Variants in GPR158 observed in about 807,000 individuals in gnomAD.
GPR158 encodes the protein G protein-coupled receptor 158.
In GPR158, 30 loss-of-function variants were observed where a neutral mutation model predicts 78.2. That is an observed-to-expected ratio of 0.38 (90% CI 0.29 to 0.52). GPR158 has a LOEUF of 0.52. GPR158 is among the 20% of genes least tolerant of loss of function. The probability of loss-of-function intolerance (pLI) is 0.83; values close to 1 mark genes in which losing one functional copy is unlikely to be tolerated. For missense variants in GPR158, 1,463 were observed against 1,523.5 expected (o/e 0.96, Z 0.66); for synonymous variants, 581 against 591.1 (o/e 0.98, Z 0.25).
intron 2 of GPR158, among the ~76,000 whole-genome samples, chr10:25,313,408 G>T (rs1179882637): frequency 6.6e-6 from 1 of 151,322 alleles, no homozygotes; most frequent in Non-Finnish European, 1.5e-5. Flanking sequence ...TAATAAAATT[G>T]TTTAAAAAAA....
At chr10:25,490,019 G>A (rs3005189) in intron 5 of GPR158, among the ~76,000 whole-genome samples, 69,980 of 151,920 alleles carry the variant, frequency 0.46, 16,778 homozygotes, top group East Asian at 0.8. Flanking sequence ...ATGATGAAAT[G>A]CATATATACT....
intron 1 of GPR158, among the ~76,000 whole-genome samples, chr10:25,214,864 T>C (rs778172167): frequency 4.4e-4 from 67 of 152,108 alleles, no homozygotes; most frequent in Non-Finnish European, 8.2e-4. Flanking sequence ...TCCTTTATGT[T>C]AAACTTCTAG....
At chr10:25,556,205 G>A (rs1035795138) in intron 6 of GPR158, among the ~76,000 whole-genome samples, 1 of 152,020 alleles carries the variant, frequency 6.6e-6, no homozygotes, top group Non-Finnish European at 1.5e-5. Flanking sequence ...CGTTTATGAA[G>A]GCCAAAATAT....
At chr10:25,492,584 CTT>C (rs1835825047) in intron 5 of GPR158, among the ~76,000 whole-genome samples, 1 of 152,164 alleles carries the variant, frequency 6.6e-6, no homozygotes, top group South Asian at 2.1e-4. Context: ...ACTCTAAGCT[CTT>C]TATGCTCTGG....
intron 2 of GPR158, among the ~76,000 whole-genome samples, chr10:25,331,932 G>A (rs1241348301): frequency 1.3e-5 from 2 of 152,046 alleles, no homozygotes; most frequent in African/African-American, 4.8e-5. Flanking sequence ...CTCTATTGGT[G>A]TATGTTTGAA....
At chr10:25,186,349 T>A (rs1045139201) in intron 1 of GPR158, among the ~76,000 whole-genome samples, 16 of 151,804 alleles carry the variant, frequency 1.1e-4, no homozygotes, top group Non-Finnish European at 1.8e-4. Context: ...AAAAGCTAGC[T>A]AAAGGCAAGA....
intron 2 of GPR158, among the ~76,000 whole-genome samples, chr10:25,357,391 G>A (rs1374228387): frequency 1.3e-5 from 2 of 152,162 alleles, no homozygotes; most frequent in Non-Finnish European, 2.9e-5. Flanking sequence ...TCCAGGGCAT[G>A]TCAGAGGTCT....
intron 5 of GPR158, among the ~76,000 whole-genome samples, chr10:25,537,995 T>G (rs118085465): frequency 6.6e-6 from 1 of 152,166 alleles, no homozygotes; most frequent in Non-Finnish European, 1.5e-5. Context: ...TTCTTTATAG[T>G]GGTGCAAGAA....
rs1554812288 is a variant in GPR158, at chr10:25,544,299, T to TG, written c.1405-6677_1405-6676insG. Among the ~76,000 whole-genome samples the TG allele has an allele frequency of 8.9e-4, 136 of 152,124 alleles. 2 individuals carry two copies. Among genetic ancestry groups the TG allele is most frequent in the African/African-American group, 3.2e-3 (132 of 41,490 alleles). On this transcript the variant is annotated intron_variant, in intron 5 of 10. Coordinates refer to ENST00000376351, the MANE Select transcript of GPR158 (RefSeq NM_020752.3). Reference sequence around the variant, plus strand: ...ATCAGCATAGTGTTTTATTTTTTTTTTGTGATACATATTTTGGAATTATGC... The same window carrying TG: ...ATCAGCATAGTGTTTTATTTTTTTTTGTGTGATACATATTTTGGAATTATGC...
chr10:25,423,194 T>C (rs11014539), intron 4 of GPR158, among the ~76,000 whole-genome samples: 105,319 of 150,314 alleles, frequency 0.7, 37,898 homozygotes, highest in Non-Finnish European at 0.8. Flanking sequence ...CACACATATA[T>C]ACACACACAC....
intron 6 of GPR158, among the ~76,000 whole-genome samples, chr10:25,570,319 A>G (rs1836987753): frequency 1.3e-5 from 2 of 152,244 alleles, no homozygotes; most frequent in Admixed American, 1.3e-4. Flanking sequence ...GCATTTAAAA[A>G]GTATATAGAT....
At chr10:25,178,173 A>G (rs1852566346) in intron 1 of GPR158, among the ~76,000 whole-genome samples, 1 of 152,100 alleles carries the variant, frequency 6.6e-6, no homozygotes, top group Non-Finnish European at 1.5e-5. Context: ...TATTTTCTCT[A>G]TTTTACAGAA....
intron 2 of GPR158, among the ~76,000 whole-genome samples, chr10:25,302,300 G>T (rs554417410): frequency 6.7e-6 from 1 of 150,342 alleles, no homozygotes; most frequent in African/African-American, 2.4e-5. Context: ...TAGCCAGGAT[G>T]GTCTCGATCT....
chr10:25,324,822 TTTTTC>T (rs973769496), intron 2 of GPR158, among the ~76,000 whole-genome samples: 11 of 135,994 alleles, frequency 8.1e-5, no homozygotes, highest in Non-Finnish European at 1.5e-4. Context: ...TGTATTTTCT[TTTTTC>T]TTTCTTTTTT....
chr10:25,425,653 G>A (rs1958950), intron 4 of GPR158, among the ~76,000 whole-genome samples: 106,339 of 151,946 alleles, frequency 0.7, 38,214 homozygotes, highest in Non-Finnish European at 0.8. Context: ...TGCTTCTGAC[G>A]AAAGACTAAT....
At chr10:25,221,186 A>T in intron 2 of GPR158, 29 bp downstream of exon 2, 1 of 1,079,606 alleles carries the variant, frequency 9.3e-7, no homozygotes, top group South Asian at 1.3e-5. Flanking sequence ...AATCCTCTTT[A>T]AGCTCAGGAA....
intron 3 of GPR158, among the ~76,000 whole-genome samples, chr10:25,405,498 C>CTTTTTTTTTTTTTTTTTT (rs59695469): frequency 2.2e-5 from 1 of 45,522 alleles, no homozygotes. Flanking sequence ...AAACAATTTC[C>CTTTTTTTTTTTTTTTTTT]TTTTTTTTTT....
In GPR158 at chr10:25,203,789, T is replaced by C. The variant is rs1316510037; in HGVS notation, c.903-17263T>C. Among the ~76,000 whole-genome samples, 2 of 145,072 alleles carry C rather than the reference T, an allele frequency of 1.4e-5. 1 individual carries two copies. The highest frequency in any genetic ancestry group is 5.3e-5 in the African/African-American group (2 of 38,060). ...TTTAAAGTAGTTTTTTTTCAAATTCTGTGAAGAAAGTCATTGGTAGCTTGA... is the reference window on the plus strand; with the variant it reads ...TTTAAAGTAGTTTTTTTTCAAATTCCGTGAAGAAAGTCATTGGTAGCTTGA... On this transcript the variant is annotated intron_variant, in intron 1 of 10. Coordinates refer to ENST00000376351, the MANE Select transcript of GPR158 (RefSeq NM_020752.3).
intron 5 of GPR158, among the ~76,000 whole-genome samples, chr10:25,507,635 T>G (rs747655237): frequency 3.0e-4 from 45 of 152,214 alleles, no homozygotes; most frequent in Non-Finnish European, 1.0e-4. Context: ...GATAATACTG[T>G]ATCAGGGAAA....
Sources: allele counts gnomAD v4.1 joint callset (sites outside exome capture counted in the v4.1 genomes callset), GRCh38; gene constraint gnomAD v4.1.1; transcripts MANE v1.5; gene names NCBI Gene and HGNC (gene_info 2026-07-23, HGNC 2026-07-21).